Variants in RPH3A observed in about 807,000 individuals in gnomAD.
The protein encoded by RPH3A is rabphilin 3A.
In RPH3A, 48 loss-of-function variants were observed where a neutral mutation model predicts 102.2. That is an observed-to-expected ratio of 0.47 (90% CI 0.37 to 0.60). RPH3A has a LOEUF of 0.60. Among genes scored for constraint, RPH3A ranks in the 20% least tolerant of loss-of-function variants. The probability of loss-of-function intolerance (pLI) is 0.00; values close to 1 mark genes in which losing one functional copy is unlikely to be tolerated. For missense variants in RPH3A, 781 were observed against 910.1 expected, an observed-to-expected ratio of 0.86 and a Z score of 1.83; for synonymous variants, 310 against 324.3, an observed-to-expected ratio of 0.96 and a Z score of 0.47.
chr12:112,719,431 A>T (rs34431709), intron 1 of RPH3A, among the ~76,000 whole-genome samples: 1 of 152,160 alleles, frequency 6.6e-6, no homozygotes, highest in Non-Finnish European at 1.5e-5. Context: ...TTATGCACCA[A>T]TTCCCCATGG....
chr12:112,896,946 C>T lies in RPH3A; in HGVS notation c.*166C>T. On this transcript the variant is annotated 3_prime_UTR_variant, in exon 22 of 22. Transcript: ENST00000389385. The stretch of plus-strand genomic sequence containing the variant: ...TCACGTTGGGCACTGCTGCCAAAGA[C>T]TCCCTCCTCCCTGATGCTGGGATGT... 6.2e-6 allele frequency: 4 copies of T among 643,362 alleles called. No homozygotes were observed. Among genetic ancestry groups the T allele is most frequent in the Non-Finnish European group, 1.1e-5 (4 of 377,716 alleles). 39.9% of individuals were successfully genotyped at this position (643,362 alleles called of 1,614,324 possible). A position where few individuals can be genotyped will look rare whatever the true frequency, so the allele number is the denominator to read the frequency against.
At chr12:112,822,507 C>T (rs929346808) in intron 2 of RPH3A, among the ~76,000 whole-genome samples, 4 of 152,096 alleles carry the variant, frequency 2.6e-5, no homozygotes, top group Admixed American at 6.5e-5. Context: ...CCTTAGCAAG[C>T]GATGCTAAGG....
intron 7 of RPH3A, among the ~76,000 whole-genome samples, chr12:112,867,688 C>A (rs2136223345): frequency 6.6e-6 from 1 of 152,326 alleles, no homozygotes; most frequent in Middle Eastern, 3.4e-3. Context: ...GGAATGCAGT[C>A]ACTGTCCAAC....
intron 1 of RPH3A, among the ~76,000 whole-genome samples, chr12:112,764,081 G>C (rs1486844873): frequency 6.6e-6 from 1 of 152,190 alleles, no homozygotes; most frequent in Non-Finnish European, 1.5e-5. Context: ...GACATTTCCA[G>C]GTTCCTTACC....
chr12:112,656,831 T>A (rs2040016241), intron 1 of RPH3A, among the ~76,000 whole-genome samples: 2 of 152,042 alleles, frequency 1.3e-5, no homozygotes, highest in Non-Finnish European at 2.9e-5. Flanking sequence ...ATCTCCACAT[T>A]TTCTTTATCC....
chr12:112,849,761 C>T (rs2042291637), intron 5 of RPH3A, among the ~76,000 whole-genome samples: 1 of 152,196 alleles, frequency 6.6e-6, no homozygotes, highest in Non-Finnish European at 1.5e-5. Context: ...GAGGCTATCT[C>T]CCAACTTCTT....
intron 5 of RPH3A, among the ~76,000 whole-genome samples, chr12:112,865,059 C>T (rs1211615957): frequency 1.3e-5 from 2 of 152,136 alleles, no homozygotes; most frequent in Admixed American, 1.3e-4. Context: ...CCTATGAAGA[C>T]ATCCAAGTAA....
intron 1 of RPH3A, among the ~76,000 whole-genome samples, chr12:112,687,039 C>T (rs931281383): frequency 5.9e-5 from 9 of 152,150 alleles, no homozygotes; most frequent in Non-Finnish European, 1.2e-4. Flanking sequence ...GGCTTGAGCC[C>T]AGGAGTTCGG....
At chr12:112,838,166 A>C (rs1340084389) in intron 4 of RPH3A, among the ~76,000 whole-genome samples, 1 of 152,236 alleles carries the variant, frequency 6.6e-6, no homozygotes, top group Non-Finnish European at 1.5e-5. Context: ...GCTTCCTGGA[A>C]GAAGTGATGT....
At chr12:112,716,129 G>A (rs1272368501) in intron 1 of RPH3A, among the ~76,000 whole-genome samples, 1 of 152,164 alleles carries the variant, frequency 6.6e-6, no homozygotes, top group East Asian at 1.9e-4. Flanking sequence ...TCTTGGTTTT[G>A]GTAGGTTTTG....
intron 1 of RPH3A, among the ~76,000 whole-genome samples, chr12:112,731,691 C>A (rs2040635245): frequency 6.6e-6 from 1 of 152,170 alleles, no homozygotes; most frequent in African/African-American, 2.4e-5. Flanking sequence ...GTTTCAGATA[C>A]TAGTATTATG....
intron 13 of RPH3A, 103 bp downstream of exon 13, chr12:112,876,969 C>T: frequency 2.8e-6 from 2 of 712,372 alleles, no homozygotes; most frequent in South Asian, 2.3e-5. Flanking sequence ...TCCCCAGACC[C>T]CTAATATACC....
intron 1 of RPH3A, among the ~76,000 whole-genome samples, chr12:112,594,295 C>A (rs545410458): frequency 6.6e-6 from 1 of 152,276 alleles, no homozygotes; most frequent in East Asian, 1.9e-4. Context: ...ACCTTCTGGC[C>A]TCTTATTCCG....
chr12:112,583,700 G>C (rs1412559159), intron 1 of RPH3A, among the ~76,000 whole-genome samples: 1 of 120,522 alleles, frequency 8.3e-6, no homozygotes, highest in Non-Finnish European at 1.8e-5. Context: ...AAATTAAAGG[G>C]CTGGCCATGC....
chr12:112,634,063 G>T (rs1014108890), intron 1 of RPH3A, among the ~76,000 whole-genome samples: 2 of 152,132 alleles, frequency 1.3e-5, no homozygotes, highest in Non-Finnish European at 1.5e-5. Flanking sequence ...AAAATAAATG[G>T]GTCGGCTGGG....
chr12:112,700,317 C>T (rs2136028516), intron 1 of RPH3A, among the ~76,000 whole-genome samples: 1 of 152,268 alleles, frequency 6.6e-6, no homozygotes, highest in Non-Finnish European at 1.5e-5. Context: ...GATCCACCCA[C>T]CTCTGCTTCC....
At chr12:112,879,044 A>C in intron 13 of RPH3A, 75 bp from the exon 14 acceptor site, 2 of 1,295,386 alleles carry the variant, frequency 1.5e-6, no homozygotes, top group South Asian at 1.2e-5. Flanking sequence ...GCCTGGGCAT[A>C]TAGTAAGTGT....
intron 1 of RPH3A, among the ~76,000 whole-genome samples, chr12:112,683,546 A>T (rs2040241195): frequency 6.6e-6 from 1 of 152,174 alleles, no homozygotes; most frequent in African/African-American, 2.4e-5. Flanking sequence ...AGGAAGAGTG[A>T]ACTGAGGATA....
intron 1 of RPH3A, among the ~76,000 whole-genome samples, chr12:112,739,744 T>C (rs750142461): frequency 1.3e-5 from 2 of 152,232 alleles, no homozygotes; most frequent in African/African-American, 2.4e-5. Context: ...TCTTCCACAC[T>C]TCTTTGTCAC....
Sources: gnomAD v4.1 joint callset for allele counts (sites outside exome capture counted in the v4.1 genomes callset) on GRCh38, gnomAD v4.1.1 for gene constraint, MANE v1.5 for transcripts, NCBI Gene and HGNC (gene_info 2026-07-23, HGNC 2026-07-21) for gene names.